P3H2: variants seen among roughly 807,000 people sequenced by gnomAD.
P3H2 encodes the protein prolyl 3-hydroxylase 2.
In P3H2, 80 loss-of-function variants were observed where a neutral mutation model predicts 87.0. The observed-to-expected ratio is 0.92, with a 90% CI of 0.77 to 1.11. The LOEUF (loss-of-function observed/expected upper bound fraction) is 1.11, where lower values mean the gene tolerates loss of function less well. Among genes scored for constraint, P3H2 ranks in the 50% least tolerant of loss-of-function variants. The pLI, the probability that P3H2 is intolerant of heterozygous loss-of-function variation, is 0.00. For synonymous variants in P3H2, 367 were observed against 359.3 expected (o/e 1.02, Z -0.24); for missense variants, 1,001 against 923.9 (o/e 1.08, Z -1.08).
chr3:190,023,841 T>G (rs1426925067), intron 1 of P3H2, among the ~76,000 whole-genome samples: 1 of 152,256 alleles, frequency 6.6e-6, no homozygotes, highest in Non-Finnish European at 1.5e-5. Context: ...TGTATTTAAT[T>G]ATGTTAGGTT....
chr3:190,078,558 T>G (rs2108977708), intron 1 of P3H2, among the ~76,000 whole-genome samples: 1 of 152,248 alleles, frequency 6.6e-6, no homozygotes, highest in Middle Eastern at 3.4e-3. Flanking sequence ...ATGAGGAAAC[T>G]TCTAATCAAG....
At chr3:190,037,140 C>T (rs534359986) in intron 1 of P3H2, among the ~76,000 whole-genome samples, 1 of 151,884 alleles carries the variant, frequency 6.6e-6, no homozygotes, top group Non-Finnish European at 1.5e-5. Flanking sequence ...GATTATCTGC[C>T]CATTTCATAT....
At chr3:190,066,883 C>A (rs1726526849) in intron 1 of P3H2, among the ~76,000 whole-genome samples, 1 of 152,148 alleles carries the variant, frequency 6.6e-6, no homozygotes, top group Non-Finnish European at 1.5e-5. Context: ...AGAGTGCCTT[C>A]TCCTTCCACC....
intron 1 of P3H2, among the ~76,000 whole-genome samples, chr3:190,009,130 T>C (rs1330093522): frequency 1.3e-5 from 2 of 152,094 alleles, no homozygotes; most frequent in Admixed American, 6.6e-5. Flanking sequence ...GTCATCTATA[T>C]TTGAGAGTTA....
chr3:189,989,047 C>T lies in P3H2; in HGVS notation c.824-9G>A, dbSNP rs1260186844. The T allele has an allele frequency of 2.5e-6, 4 of 1,614,086 alleles. No individual in the cohort carries two copies. Among genetic ancestry groups the T allele is most frequent in the Admixed American group, 1.7e-5 (1 of 60,006 alleles). ...CACCTGCATGTAGTGATCTGGAAGA[C>T]AAGAGCCAATACGTGTGTTCCTCCA... On this transcript the variant is annotated splice_polypyrimidine_tract_variant and intron_variant, in intron 3 of 14. Transcript: ENST00000319332.
intron 1 of P3H2, among the ~76,000 whole-genome samples, chr3:190,008,825 G>C (rs1030495629): frequency 4.6e-5 from 7 of 152,170 alleles, no homozygotes; most frequent in African/African-American, 1.7e-4. Flanking sequence ...GGAACAGTGG[G>C]GAGAAATCTG....
intron 1 of P3H2, among the ~76,000 whole-genome samples, chr3:190,012,481 A>C (rs1201867417): frequency 6.6e-6 from 1 of 152,168 alleles, no homozygotes; most frequent in Non-Finnish European, 1.5e-5. Context: ...CTCGTGGTTT[A>C]CCTGCTCAGA....
At chr3:190,090,869 G>A (rs986392126) in intron 1 of P3H2, among the ~76,000 whole-genome samples, 38 of 152,210 alleles carry the variant, frequency 2.5e-4, no homozygotes, top group Admixed American at 8.5e-4. Flanking sequence ...TCCTTTGCAA[G>A]ACGTAACTTC....
At chr3:190,098,006 T>TAA (rs1727640650) in intron 1 of P3H2, among the ~76,000 whole-genome samples, 1 of 152,226 alleles carries the variant, frequency 6.6e-6, no homozygotes, top group Non-Finnish European at 1.5e-5. Flanking sequence ...TTGTCATTGT[T>TAA]AAAGTAAAAA....
At chr3:190,014,510 G>T (rs575734773) in intron 1 of P3H2, among the ~76,000 whole-genome samples, 61 of 152,314 alleles carry the variant, frequency 4.0e-4, no homozygotes, top group African/African-American at 1.4e-3. Context: ...CCTAGAAAGT[G>T]CAGGCTATGT....
At position 189,969,269 on chromosome 3, in the gene P3H2, G is replaced by A. The variant is rs964263140; in HGVS notation, c.1893+1547C>T. The A allele has an allele frequency of 2.9e-5, 25 of 864,310 alleles. No individual in the cohort carries two copies. The African/African-American group carries it at 3.1e-4, about 11-fold the overall frequency. The allele number at this position is 864,310 out of a possible 1,614,324, so 53.5% of individuals were successfully genotyped here. ...GCCTCTTTAGTGAGAACCACCTCTG[G>A]AACTGTGGTCATGTTGATAACATCC... On this transcript the variant is annotated intron_variant, in intron 13 of 14. Coordinates refer to ENST00000319332, the MANE Select transcript of P3H2 (RefSeq NM_018192.4).
intron 4 of P3H2, 153 bp from the exon 5 acceptor site, chr3:189,987,822 C>G (rs1389046826): frequency 1.2e-6 from 1 of 819,184 alleles, no homozygotes; most frequent in Non-Finnish European, 2.0e-6. Flanking sequence ...GAAACAGTCA[C>G]AGATAAAAGG....
At chr3:190,015,052 T>C (rs940337612) in intron 1 of P3H2, among the ~76,000 whole-genome samples, 8 of 152,198 alleles carry the variant, frequency 5.3e-5, no homozygotes, top group African/African-American at 1.7e-4. Flanking sequence ...AGTCTCACTC[T>C]GACACTGAGG....
At chr3:190,012,207 G>GGTGTGTGTGTGTGTGTGTGTGT (rs3062120) in intron 1 of P3H2, among the ~76,000 whole-genome samples, 10 of 145,588 alleles carry the variant, frequency 6.9e-5, no homozygotes, top group African/African-American at 2.6e-4. Context: ...TGTAGGTAAA[G>GGTGTGTGTGTGTGTGTGTGTGT]GTGTGTGTGT....
chr3:189,982,931 G>C (rs1374425767), intron 8 of P3H2, 115 bp downstream of exon 8: 8 of 812,518 alleles, frequency 9.8e-6, no homozygotes, highest in Non-Finnish European at 1.7e-5. Context: ...TAGTAGCTTA[G>C]TCTTATTCTT....
intron 2 of P3H2, 43 bp downstream of exon 2, chr3:189,995,247 C>T: frequency 1.2e-6 from 2 of 1,603,508 alleles, no homozygotes; most frequent in South Asian, 2.2e-5. Flanking sequence ...AACTTAGGAG[C>T]ACTTAGCTCC....
chr3:190,023,193 A>G (rs760351198), intron 1 of P3H2, among the ~76,000 whole-genome samples: 4 of 152,322 alleles, frequency 2.6e-5, no homozygotes, highest in Admixed American at 2.0e-4. Flanking sequence ...GGACTACACT[A>G]TAAGTCTGCT....
At chr3:190,063,264 T>C (rs1354685790) in intron 1 of P3H2, among the ~76,000 whole-genome samples, 2 of 152,192 alleles carry the variant, frequency 1.3e-5, no homozygotes, top group Non-Finnish European at 2.9e-5. Flanking sequence ...GATTATTTAA[T>C]GTGATCAGTA....
chr3:189,962,161 C>CT (rs770628547), intron 14 of P3H2, among the ~76,000 whole-genome samples: 5,830 of 87,592 alleles, frequency 0.067, 566 homozygotes, highest in African/African-American at 0.2. Context: ...TCTTCTTCTT[C>CT]TTTTTTTTTT....
Sources: gnomAD v4.1 joint callset for allele counts (sites outside exome capture counted in the v4.1 genomes callset) on GRCh38, gnomAD v4.1.1 for gene constraint, MANE v1.5 for transcripts, NCBI Gene and HGNC (gene_info 2026-07-23, HGNC 2026-07-21) for gene names.